The following NTM variants were observed in gnomAD, a reference collection of about 807,000 sequenced individuals.
The protein encoded by NTM is neurotrimin, also known as IgLON family member 2.
In NTM, 13 loss-of-function variants were observed where a neutral mutation model predicts 42.1. The ratio of observed to expected loss-of-function variants is 0.31; its 90% CI spans 0.20 to 0.49. The LOEUF (loss-of-function observed/expected upper bound fraction) is 0.49. NTM is among the 20% of genes least tolerant of loss of function. NTM has a pLI of 0.99. For missense variants in NTM, 373 were observed against 452.8 expected (o/e 0.82, Z 1.60); for synonymous variants, 187 against 179.2 (o/e 1.04, Z -0.35).
chr11:131,834,625 C>CATATAT (rs10604283), intron 1 of NTM, among the ~76,000 whole-genome samples: 10,543 of 133,808 alleles, frequency 0.079, 569 homozygotes, highest in African/African-American at 0.12. Context: ...TATACATATA[C>CATATAT]ATATATATAT....
chr11:131,920,152 C>T (rs535391385), intron 2 of NTM, among the ~76,000 whole-genome samples: 63 of 152,254 alleles, frequency 4.1e-4, no homozygotes, highest in South Asian at 1.0e-3. Flanking sequence ...GCATAGATTT[C>T]GGAGTGCCAG....
intron 4 of NTM, among the ~76,000 whole-genome samples, chr11:132,295,718 CA>C (rs1181127380): frequency 6.6e-6 from 1 of 152,030 alleles, no homozygotes; most frequent in Non-Finnish European, 1.5e-5. Flanking sequence ...AGTGAGATGG[CA>C]ATAAAGAACC....
chr11:131,458,393 ATTTATAGGG>A (rs1371534083), intron 1 of NTM, among the ~76,000 whole-genome samples: 5 of 152,232 alleles, frequency 3.3e-5, no homozygotes, highest in Admixed American at 2.6e-4. Context: ...TAGTCGAAGC[ATTTATAGGG>A]CACAGAGGAG....
intron 3 of NTM, among the ~76,000 whole-genome samples, chr11:132,202,144 G>A (rs1004559861): frequency 6.6e-6 from 1 of 152,022 alleles, no homozygotes; most frequent in African/African-American, 2.4e-5. Flanking sequence ...CAGTTTTCAG[G>A]GACACCTTAT....
intron 1 of NTM, among the ~76,000 whole-genome samples, chr11:131,603,387 T>A (rs994456857): frequency 6.6e-6 from 1 of 152,060 alleles, no homozygotes; most frequent in African/African-American, 2.4e-5. Context: ...TGGGCCAAAA[T>A]TTGCATTCCT....
At chr11:131,994,017 A>AG (rs1555209838) in intron 2 of NTM, among the ~76,000 whole-genome samples, 47 of 138,004 alleles carry the variant, frequency 3.4e-4, no homozygotes, top group African/African-American at 8.8e-4. Context: ...AAAAAAAAAA[A>AG]AAGAAGAAGA....
At chr11:132,175,742 CA>C (rs1443663300) in intron 3 of NTM, among the ~76,000 whole-genome samples, 1 of 152,102 alleles carries the variant, frequency 6.6e-6, no homozygotes, top group Non-Finnish European at 1.5e-5. Flanking sequence ...TGCCCGCCAC[CA>C]TGCCTGGGTA....
rs552927912 is a variant in NTM at position 131,494,226 on chromosome 11, A to C, written c.82+123338A>C. On this transcript the variant is annotated intron_variant, in intron 1 of 8. Coordinates refer to ENST00000683400, the MANE Select transcript of NTM (RefSeq NM_001352005.2). Reference sequence around the variant, plus strand: ...TTTTCCAATAAAACTTTGAGCTCCTACAATGTCTAAGCTCTGTGAGGTAGC... The same window carrying C: ...TTTTCCAATAAAACTTTGAGCTCCTCCAATGTCTAAGCTCTGTGAGGTAGC... Among the ~76,000 whole-genome samples the C allele has an allele frequency of 2.0e-5, 3 of 152,322 alleles. No individual in the cohort carries two copies. In the East Asian group the frequency reaches 5.8e-4, roughly 29 times the overall value.
chr11:131,443,405 G>T (rs980496007), intron 1 of NTM, among the ~76,000 whole-genome samples: 5 of 152,148 alleles, frequency 3.3e-5, no homozygotes, highest in Admixed American at 1.3e-4. Context: ...CGGTCATATT[G>T]CAGAAGAAAA....
chr11:132,283,007 A>G (rs1160930266), intron 4 of NTM, among the ~76,000 whole-genome samples: 1 of 67,292 alleles, frequency 1.5e-5, no homozygotes, highest in Non-Finnish European at 3.4e-5. Flanking sequence ...TTTTTATTTG[A>G]GACAGAGTCT....
intron 2 of NTM, among the ~76,000 whole-genome samples, chr11:132,051,199 CAT>C (rs1336231711): frequency 1.3e-5 from 2 of 152,280 alleles, no homozygotes; most frequent in African/African-American, 2.4e-5. Flanking sequence ...TTATTTGTAA[CAT>C]ATGACGATGA....
chr11:131,553,815 T>C (rs73580247), intron 1 of NTM, among the ~76,000 whole-genome samples: 1 of 152,110 alleles, frequency 6.6e-6, no homozygotes, highest in African/African-American at 2.4e-5. Context: ...CATTTCCCCA[T>C]CACCTGTAAA....
intron 3 of NTM, among the ~76,000 whole-genome samples, chr11:132,183,406 A>C (rs985753364): frequency 1.3e-5 from 2 of 152,142 alleles, no homozygotes; most frequent in Non-Finnish European, 2.9e-5. Context: ...CACCATGGAG[A>C]AACTTTAGCA....
chr11:132,037,652 A>C (rs1472108754), intron 2 of NTM, among the ~76,000 whole-genome samples: 2 of 152,170 alleles, frequency 1.3e-5, no homozygotes, highest in African/African-American at 4.8e-5. Flanking sequence ...GGGAGCCAGA[A>C]AGGTGCTTGC....
intron 1 of NTM, among the ~76,000 whole-genome samples, chr11:131,731,379 G>A (rs2079666670): frequency 8.6e-6 from 1 of 116,326 alleles, no homozygotes; most frequent in Non-Finnish European, 2.1e-5. Context: ...ACTTAGTCTT[G>A]ATGCTGATCT....
At chr11:131,689,336 T>C (rs1565428359) in intron 1 of NTM, among the ~76,000 whole-genome samples, 2 of 152,110 alleles carry the variant, frequency 1.3e-5, no homozygotes, top group African/African-American at 4.8e-5. Flanking sequence ...AAGCTAGCCA[T>C]GGTAAAAAGG....
intron 1 of NTM, among the ~76,000 whole-genome samples, chr11:131,669,296 C>T (rs899583560): frequency 6.6e-6 from 1 of 152,190 alleles, no homozygotes; most frequent in Non-Finnish European, 1.5e-5. Context: ...AGGTCAGGCT[C>T]TGGAATCAGC....
chr11:132,146,824 T>A lies in NTM; in HGVS notation c.400+310T>A, dbSNP rs544458968. On this transcript the variant is annotated intron_variant, in intron 3 of 8. Transcript: ENST00000683400. The surrounding 1 kb of genome is among the most constrained non-coding windows in gnomAD (Gnocchi z 4.5). ...TTTAGTTATTTTTGTTTGTTTGTTT[T>A]TTGTTTTGTTTTGTTTTGTTTTTTA... 13 of 342,596 alleles carry A rather than the reference T, an allele frequency of 3.8e-5. No homozygotes were observed. In the South Asian group the frequency reaches 7.2e-4, roughly 19 times the overall value. The allele number at this position is 342,596 out of a possible 1,614,324, so 21.2% of individuals were successfully genotyped here.
intron 1 of NTM, among the ~76,000 whole-genome samples, chr11:131,593,604 A>G (rs1183398661): frequency 6.6e-6 from 1 of 152,214 alleles, no homozygotes; most frequent in Non-Finnish European, 1.5e-5. Context: ...AAAAGCCGTT[A>G]TCACCTCTGC....
Sources: allele counts gnomAD v4.1 joint callset (sites outside exome capture counted in the v4.1 genomes callset), GRCh38; gene constraint gnomAD v4.1.1; non-coding constraint Gnocchi (gnomAD v3.1); transcripts MANE v1.5; gene names NCBI Gene and HGNC (gene_info 2026-07-23, HGNC 2026-07-21).